SLC44A1: variants seen among roughly 807,000 people sequenced by gnomAD.
SLC44A1 encodes choline transporter-like protein 1.
A neutral mutation model predicts 79.3 loss-of-function variants in SLC44A1; 26 were observed. The observed-to-expected ratio is 0.33, with a 90% CI of 0.24 to 0.46. SLC44A1 has a LOEUF of 0.46. Ranked by LOEUF, SLC44A1 falls within the 20% of genes least tolerant of loss-of-function variation. The pLI, the probability that SLC44A1 is intolerant of heterozygous loss-of-function variation, is 1.00. For synonymous variants in SLC44A1, 263 were observed against 286.2 expected (o/e 0.92, Z 0.82); for missense variants, 688 against 798.1 (o/e 0.86, Z 1.66).
chr9:105,368,578 C>T (rs1244577146), intron 12 of SLC44A1, among the ~76,000 whole-genome samples: 1 of 152,126 alleles, frequency 6.6e-6, no homozygotes, highest in Non-Finnish European at 1.5e-5. Flanking sequence ...CTTGCTCTTT[C>T]CAGTATATCA....
intron 1 of SLC44A1, among the ~76,000 whole-genome samples, chr9:105,282,293 T>G (rs547494331): frequency 2.0e-5 from 3 of 152,140 alleles, no homozygotes; most frequent in African/African-American, 7.2e-5. Flanking sequence ...GAGCTATTAA[T>G]TTGATGGTTC....
rs944851152 is a variant in SLC44A1, at chr9:105,392,979, A to G, written c.*3923A>G. ...TTTAAAAAAAAAACAACAACAACAAATAAAACTCTCAGAGTCTGGAGGCTT... is the reference window on the plus strand; with the variant it reads ...TTTAAAAAAAAAACAACAACAACAAGTAAAACTCTCAGAGTCTGGAGGCTT... On this transcript the variant is annotated 3_prime_UTR_variant, in exon 16 of 16. Transcript: ENST00000374720. The G allele has an allele frequency of 1.1e-5, 11 of 984,836 alleles. No individual in the cohort carries two copies. The African/African-American group carries it at 1.7e-4, about 16-fold the overall frequency. 61.0% of individuals were successfully genotyped at this position (984,836 alleles called of 1,614,324 possible).
Position 105,394,320 on chromosome 9 carries a change from G to C in SLC44A1, c.*5264G>C, listed in dbSNP as rs1828827979. On this transcript the variant is annotated 3_prime_UTR_variant, in exon 16 of 16. Coordinates refer to ENST00000374720, the MANE Select transcript of SLC44A1 (RefSeq NM_080546.5). Reference sequence around the variant, plus strand: ...CTTTATGTAATTTAGTAGCAGGTTAGGGAATAGAAACCACACTAATCTGAA... The same window carrying C: ...CTTTATGTAATTTAGTAGCAGGTTACGGAATAGAAACCACACTAATCTGAA... 2.0e-6 allele frequency: 2 copies of C among 985,188 alleles called. No homozygotes were observed. Among genetic ancestry groups the C allele is most frequent in the Non-Finnish European group, 2.4e-6 (2 of 829,912 alleles). The allele number at this position is 985,188 out of a possible 1,614,324, so 61.0% of individuals were successfully genotyped here.
chr9:105,311,879 C>T (rs1434630039), intron 3 of SLC44A1, among the ~76,000 whole-genome samples: 2 of 152,144 alleles, frequency 1.3e-5, no homozygotes, highest in East Asian at 3.8e-4. Context: ...GACAGAAAAG[C>T]AGCAGTCTTT....
chr9:105,282,790 C>A (rs1830387191), intron 1 of SLC44A1, among the ~76,000 whole-genome samples: 1 of 152,176 alleles, frequency 6.6e-6, no homozygotes. Flanking sequence ...TCGTGATCCA[C>A]CCCCCTTGGC....
intron 1 of SLC44A1, among the ~76,000 whole-genome samples, chr9:105,271,015 A>G (rs16924386): frequency 0.022 from 3,423 of 152,344 alleles, 119 homozygotes; most frequent in African/African-American, 0.077. Context: ...AACGGTAAAA[A>G]CTAAATTCTA....
At position 105,389,854 on chromosome 9, in the gene SLC44A1, T is replaced by G. The variant is rs1262676923; in HGVS notation, c.*798T>G. ...TTGTGTGCCTGATTTGAAAGGAAGC[T>G]GGGGCACCCAGCGAGTTTAGCCTTT... On this transcript the variant is annotated 3_prime_UTR_variant, in exon 16 of 16. Coordinates refer to ENST00000374720, the MANE Select transcript of SLC44A1 (RefSeq NM_080546.5). The G allele has an allele frequency of 3.4e-6, 5 of 1,464,502 alleles. No individual in the cohort carries two copies. The highest frequency in any genetic ancestry group is 1.4e-5 in the African/African-American group (1 of 69,950). The allele number at this position is 1,464,502 out of a possible 1,614,324, so 90.7% of individuals were successfully genotyped here.
intron 1 of SLC44A1, among the ~76,000 whole-genome samples, chr9:105,248,904 A>G (rs1478449307): frequency 6.6e-6 from 1 of 152,230 alleles, no homozygotes; most frequent in Non-Finnish European, 1.5e-5. Context: ...AAATTGCCGT[A>G]AGTCTTTGTC....
intron 1 of SLC44A1, among the ~76,000 whole-genome samples, chr9:105,259,770 G>C (rs2131209691): frequency 1.3e-5 from 2 of 152,316 alleles, no homozygotes; most frequent in East Asian, 3.9e-4. Context: ...AGTGTACACT[G>C]CTGATAGAAG....
chr9:105,356,129 C>G, intron 5 of SLC44A1, 83 bp from the exon 6 acceptor site: 1 of 1,052,560 alleles, frequency 9.5e-7, no homozygotes, highest in South Asian at 1.3e-5. Flanking sequence ...CAGCCATATT[C>G]ACCTTTCATT....
At chr9:105,370,895 T>C (rs1278955042) in intron 12 of SLC44A1, among the ~76,000 whole-genome samples, 1 of 152,354 alleles carries the variant, frequency 6.6e-6, no homozygotes, top group East Asian at 1.9e-4. Context: ...CTAGACATTA[T>C]GAAGCTATTT....
chr9:105,387,060 A>AAAAAAAAAATATATATATATATATATAT (rs34780893), intron 15 of SLC44A1, among the ~76,000 whole-genome samples: 3 of 7,730 alleles, frequency 3.9e-4, no homozygotes, highest in Non-Finnish European at 4.7e-4. Flanking sequence ...AAAAAAAAAA[A>AAAAAAAAAATATATATATATATATATAT]ATATATATAT....
rs767065537 is a variant in SLC44A1, at chr9:105,335,606, C to T, written c.313C>T (p.Arg105Trp). The change falls in exon 4 of 16, where the codon CGG becomes TGG. Residue 105 changes from arginine (R) to tryptophan (W), a missense_variant. By Grantham distance (101) the Arg-to-Trp change is moderately radical (BLOSUM62 -3). Transcript: ENST00000374720. Reference protein sequence around the residue: ...LDPCNLDLINRKIKSVALCVA... With the variant: ...LDPCNLDLINWKIKSVALCVA... ...TCCATGCAACCTGGACTTGATAAAC[C>T]GGAAGATTAAGTCTGTAGCACTGTG... 28 of 1,612,896 alleles carry T rather than the reference C, an allele frequency of 1.7e-5. No individual in the cohort carries two copies. The highest frequency in any genetic ancestry group is 1.0e-4 in the Admixed American group (6 of 59,898).
intron 15 of SLC44A1, among the ~76,000 whole-genome samples, chr9:105,404,233 C>CAA (rs71489339): frequency 0.038 from 1,672 of 43,926 alleles, 117 homozygotes; most frequent in African/African-American, 0.1. Context: ...GGACTCATCT[C>CAA]AAAAAAAAAA....
intron 1 of SLC44A1, 94 bp downstream of exon 1, chr9:105,244,998 C>A: frequency 2.1e-6 from 1 of 477,170 alleles, no homozygotes; most frequent in Non-Finnish European, 3.0e-6. Flanking sequence ...TCTCGCTGTC[C>A]CCAGCCTCCC....
chr9:105,276,185 T>A (rs1247534338), intron 1 of SLC44A1, among the ~76,000 whole-genome samples: 1 of 152,204 alleles, frequency 6.6e-6, no homozygotes, highest in Non-Finnish European at 1.5e-5. Flanking sequence ...GTCCTTGATC[T>A]GAGGAAGCAG....
chr9:105,286,530 C>G (rs1377260388), intron 1 of SLC44A1, among the ~76,000 whole-genome samples: 3 of 152,216 alleles, frequency 2.0e-5, no homozygotes, highest in Non-Finnish European at 2.9e-5. Flanking sequence ...TACACAGTCA[C>G]TTTAAGTACT....
At chr9:105,428,854 C>T (rs1251228160) in intron 15 of SLC44A1, among the ~76,000 whole-genome samples, 6 of 152,224 alleles carry the variant, frequency 3.9e-5, no homozygotes, top group South Asian at 2.1e-4. Flanking sequence ...TACAGGCACG[C>T]GCCACCACGC....
At chr9:105,409,903 T>C (rs1383664082) in intron 15 of SLC44A1, among the ~76,000 whole-genome samples, 1 of 152,180 alleles carries the variant, frequency 6.6e-6, no homozygotes, top group Admixed American at 6.5e-5. Context: ...TATTCAACAC[T>C]ATTCTTCTGA....
Sources: gnomAD v4.1 joint callset for allele counts (sites outside exome capture counted in the v4.1 genomes callset) on GRCh38, gnomAD v4.1.1 for gene constraint, MANE v1.5 for transcripts, NCBI Gene and HGNC (gene_info 2026-07-23, HGNC 2026-07-21) for gene names.